The following ACSBG1 variants were observed in gnomAD, a reference collection of about 807,000 sequenced individuals.
ACSBG1 encodes long-chain-fatty-acid--CoA ligase ACSBG1.
Under a neutral mutation model 80.2 loss-of-function variants are expected in ACSBG1, and 39 were observed. That is an observed-to-expected ratio of 0.49 (90% CI 0.38 to 0.64). The LOEUF (loss-of-function observed/expected upper bound fraction) is 0.64. Among genes scored for constraint, ACSBG1 ranks in the 30% least tolerant of loss-of-function variants. The pLI is 0.00. For synonymous variants in ACSBG1, 392 were observed against 379.5 expected, an observed-to-expected ratio of 1.03 and a Z score of -0.38; for missense variants, 828 against 966.4, an observed-to-expected ratio of 0.86 and a Z score of 1.90.
chr15:78,174,408 G>A lies in ACSBG1; in HGVS notation c.1819C>T (p.Leu607=). Residue 607 remains leucine, a synonymous_variant, in exon 12 of 14, where the codon CTG becomes TTG. Coordinates refer to ENST00000258873, the MANE Select transcript of ACSBG1 (RefSeq NM_015162.5). ...ACCTTCAAGGTGAGCAGCATGGACA[G>A]GAACTTCCTCTGGTCCCCAATGAGC... ...AMLIGDQRKF[L]SMLLTLKCTL... 6.2e-7 allele frequency: 1 copy of A among 1,614,194 alleles called. No homozygotes were observed. Among genetic ancestry groups the A allele is most frequent in the Non-Finnish European group, 8.5e-7 (1 of 1,180,032 alleles).
chr15:78,205,483 C>G (rs2075205158), intron 2 of ACSBG1, among the ~76,000 whole-genome samples: 1 of 152,126 alleles, frequency 6.6e-6, no homozygotes, highest in African/African-American at 2.4e-5. Flanking sequence ...CCTGGAAGAC[C>G]AGACTGCATG....
Position 78,173,825 on chromosome 15 carries a change from T to C in ACSBG1, c.1857A>G (p.Pro619=), listed in dbSNP as rs771458111. 5.0e-6 allele frequency: 8 copies of C among 1,613,994 alleles called. No individual in the cohort carries two copies. In the Admixed American group the frequency reaches 1.3e-4, roughly 27 times the overall value. The change falls in exon 13 of 14, where the codon CCA becomes CCG. Residue 619 remains proline (P), a synonymous_variant. Coordinates refer to ENST00000258873, the MANE Select transcript of ACSBG1 (RefSeq NM_015162.5). ...GATTATCAGTCTGGTCAGAGGTGTC[T>C]GGGTCCAGAGTGCACTGAAAAGCCA... ...MLLTLKCTLD[P]DTSDQTDNLT... is the part of the protein sequence containing the mutation.
At chr15:78,175,483 G>A (rs1193038705) in intron 11 of ACSBG1, among the ~76,000 whole-genome samples, 1 of 152,218 alleles carries the variant, frequency 6.6e-6, no homozygotes, top group African/African-American at 2.4e-5. Context: ...GCCAGGGCAG[G>A]GAGGCACCAG....
chr15:78,219,871 C>G (rs1337612272), intron 1 of ACSBG1, among the ~76,000 whole-genome samples: 1 of 152,144 alleles, frequency 6.6e-6, no homozygotes, highest in Non-Finnish European at 1.5e-5. Flanking sequence ...GTAGTCCCAG[C>G]TACTCAGAAG....
At position 78,172,748 on chromosome 15, in the gene ACSBG1, T is replaced by G. The variant is rs2074838623; in HGVS notation, c.2089+845A>C. Reference sequence around the variant, plus strand: ...AGGGAATCACACTGGCATAACCATTTCTACCTCTCCTGTTCTATGAACATC... The same window carrying G: ...AGGGAATCACACTGGCATAACCATTGCTACCTCTCCTGTTCTATGAACATC... On this transcript the variant is annotated intron_variant, in intron 13 of 13. Coordinates refer to ENST00000258873, the MANE Select transcript of ACSBG1 (RefSeq NM_015162.5). This position sits in a 1 kb window ranked among gnomAD's most constrained non-coding sequence, Gnocchi z 4.1. 6.6e-6 allele frequency among the ~76,000 whole-genome samples: 1 copy of G among 152,230 alleles called. No individual in the cohort carries two copies. Among genetic ancestry groups the G allele is most frequent in the African/African-American group, 2.4e-5 (1 of 41,460 alleles).
chr15:78,175,131 T>C (rs149795686), intron 11 of ACSBG1, among the ~76,000 whole-genome samples: 34 of 152,360 alleles, frequency 2.2e-4, no homozygotes, highest in Non-Finnish European at 4.3e-4. Context: ...GCTTGTACCC[T>C]TCTCCCTGGA....
intron 5 of ACSBG1, 198 bp from the exon 6 acceptor site, chr15:78,182,983 A>C (rs1825906182): frequency 4.9e-6 from 3 of 616,786 alleles, no homozygotes; most frequent in Non-Finnish European, 8.6e-6. Flanking sequence ...AGGTGGGGAT[A>C]GCCAGGGGAC....
intron 1 of ACSBG1, among the ~76,000 whole-genome samples, chr15:78,209,782 T>C (rs2075251788): frequency 6.6e-6 from 1 of 152,228 alleles, no homozygotes; most frequent in Admixed American, 6.5e-5. Context: ...TTAGCAGCTC[T>C]AATCAGCCTC....
chr15:78,195,259 C>A lies in ACSBG1; in HGVS notation c.233-533G>T, dbSNP rs571263704. The stretch of plus-strand genomic sequence containing the variant: ...AAAATAACAACAGTCTTTGCTCATT[C>A]TCCTCCTACAAATGAGGTGTCTCAT... On this transcript the variant is annotated intron_variant, in intron 2 of 13. Transcript: ENST00000258873. Among the ~76,000 whole-genome samples, 52 of 152,334 alleles carry A rather than the reference C, an allele frequency of 3.4e-4. 1 individual carries two copies. The highest frequency in any genetic ancestry group is 1.2e-3 in the African/African-American group (49 of 41,582).
At chr15:78,224,653 G>A (rs2075385754) in intron 1 of ACSBG1, among the ~76,000 whole-genome samples, 2 of 152,112 alleles carry the variant, frequency 1.3e-5, no homozygotes, top group South Asian at 4.1e-4. Context: ...CCCAGGAGGT[G>A]GAGGTTGCAG....
chr15:78,215,159 C>T (rs962516624), intron 1 of ACSBG1, among the ~76,000 whole-genome samples: 2 of 152,154 alleles, frequency 1.3e-5, no homozygotes, highest in African/African-American at 2.4e-5. Flanking sequence ...GAAAGGAATT[C>T]AGACCTCTCC....
intron 5 of ACSBG1, among the ~76,000 whole-genome samples, chr15:78,189,916 T>C (rs2075042463): frequency 6.6e-6 from 1 of 151,888 alleles, no homozygotes. Flanking sequence ...TGTGGGATGT[T>C]GAATATAAAA....
rs2074774795 is a variant in ACSBG1, at chr15:78,168,300, A to G, written c.*3144T>C. On this transcript the variant is annotated 3_prime_UTR_variant, in exon 14 of 14. Transcript: ENST00000258873. ...TTAATGATTTAAATATTTCTTTCGT[A>G]TTTGTGTCCCAGCCTCCAAAAATAG... The G allele has an allele frequency of 6.6e-6, 1 of 151,634 alleles. No individual in the cohort carries two copies. The highest frequency in any genetic ancestry group is 1.5e-5 in the Non-Finnish European group (1 of 67,950). The allele number at this position is 151,634 out of a possible 1,614,324, so 9.4% of individuals were successfully genotyped here.
At chr15:78,229,644 A>T (rs192637210) in intron 1 of ACSBG1, among the ~76,000 whole-genome samples, 82 of 152,238 alleles carry the variant, frequency 5.4e-4, no homozygotes, top group African/African-American at 2.0e-3. Context: ...GCCCAGAGTG[A>T]GTGTGGTCAC....
rs556195598 is a variant in ACSBG1, at chr15:78,188,106, T to C, written c.664-5321A>G. Among the ~76,000 whole-genome samples, 9 of 152,270 alleles carry C rather than the reference T, an allele frequency of 5.9e-5. No homozygotes were observed. The South Asian group carries it at 1.9e-3, about 32-fold the overall frequency. ...TCAAAGAGAATAAAATACCTAGGAA[T>C]TCAACTTACAAGGGACGTGAAGGAC... On this transcript the variant is annotated intron_variant, in intron 5 of 13. Coordinates refer to ENST00000258873, the MANE Select transcript of ACSBG1 (RefSeq NM_015162.5).
intron 1 of ACSBG1, among the ~76,000 whole-genome samples, chr15:78,218,080 G>A (rs2075327325): frequency 6.6e-6 from 1 of 152,090 alleles, no homozygotes; most frequent in African/African-American, 2.4e-5. Flanking sequence ...TTTATCCTAA[G>A]TACCGCAAGC....
intron 3 of ACSBG1, 108 bp downstream of exon 3, chr15:78,194,398 T>C: frequency 9.7e-7 from 1 of 1,026,938 alleles, no homozygotes. Context: ...ACAGTTATTG[T>C]TCCTAAGAGC....
intron 7 of ACSBG1, 72 bp from the exon 8 acceptor site, chr15:78,182,217 C>G: frequency 6.5e-7 from 1 of 1,546,838 alleles, no homozygotes; most frequent in Non-Finnish European, 8.7e-7. Context: ...CTGTGGCCAC[C>G]CTGGGGGCCA....
chr15:78,173,463 T>C (rs1388999975), intron 13 of ACSBG1, 130 bp downstream of exon 13: 17 of 1,274,784 alleles, frequency 1.3e-5, no homozygotes, highest in Non-Finnish European at 1.8e-5. Flanking sequence ...AGGAAGTAGA[T>C]GGGTGTCACC....
Sources: allele counts gnomAD v4.1 joint callset (sites outside exome capture counted in the v4.1 genomes callset), GRCh38; gene constraint gnomAD v4.1.1; non-coding constraint Gnocchi (gnomAD v3.1); transcripts MANE v1.5; gene names NCBI Gene and HGNC (gene_info 2026-07-23, HGNC 2026-07-21).